The following ZNF638 variants were observed in gnomAD, a reference collection of about 807,000 sequenced individuals.
ZNF638 encodes the protein CTCL tumor antigen se33-1.
In ZNF638, 46 loss-of-function variants were observed where a neutral mutation model predicts 195.6. The observed-to-expected ratio is 0.24, with a 90% CI of 0.19 to 0.30. The LOEUF is 0.30. Ranked by LOEUF, ZNF638 falls within the 10% of genes least tolerant of loss-of-function variation. The pLI, the probability that ZNF638 is intolerant of heterozygous loss-of-function variation, is 1.00. For missense variants in ZNF638, 2,440 were observed against 2,325.3 expected, an observed-to-expected ratio of 1.05 and a Z score of -1.01; for synonymous variants, 845 against 772.0, an observed-to-expected ratio of 1.09 and a Z score of -1.57.
chr2:71,361,817 T>C (rs1301014928), intron 3 of ZNF638: 4 of 1,816 alleles, frequency 2.2e-3, no homozygotes, highest in Non-Finnish European at 6.3e-3. Flanking sequence ...ATATTTAGCT[T>C]TTTTTTTGCC....
chr2:71,400,474 T>G lies in ZNF638; in HGVS notation c.2657-4T>G, dbSNP rs1156817357. 2 of 1,603,826 alleles carry G rather than the reference T, an allele frequency of 1.2e-6. No individual in the cohort carries two copies. Among genetic ancestry groups the G allele is most frequent in the African/African-American group, 2.7e-5 (2 of 74,244 alleles). ...CATTGTTTTTAATTTTATTTTGTAT[T>G]AAGATGCTGCTTTGGAGGCCACAGA... is the stretch of plus-strand genomic sequence containing the variant. On this transcript the variant is annotated splice_polypyrimidine_tract_variant and splice_region_variant and intron_variant, in intron 14 of 27. Transcript: ENST00000264447.
At position 71,426,464 on chromosome 2, in the gene ZNF638, C is replaced by T; in HGVS notation, c.4595C>T (p.Pro1532Leu). Residue 1532 changes from proline (P) to leucine (L), a missense_variant, in exon 24 of 28, where the codon CCA becomes CTA. This residue lies in a region of ZNF638 where 1,883 missense variants were observed against 1,739.1 expected (regional missense o/e 1.08). Coordinates refer to ENST00000264447, the MANE Select transcript of ZNF638 (RefSeq NM_014497.5). Reference sequence around the variant, plus strand: ...TGATTTTTAACTTTCCAACAGGAGCCATTATTTCCATTTAATTTGGATGAA... The same window carrying T: ...TGATTTTTAACTTTCCAACAGGAGCTATTATTTCCATTTAATTTGGATGAA... ...TGRSSKSKEE[P>L]LFPFNLDEFV... 1 of 1,562,336 alleles carries T rather than the reference C, an allele frequency of 6.4e-7. No individual in the cohort carries two copies. The highest frequency in any genetic ancestry group is 8.6e-7 in the Non-Finnish European group (1 of 1,160,038).
chr2:71,364,161 A>G lies in ZNF638; in HGVS notation c.1626A>G (p.Pro542=), dbSNP rs1160000220. 4 of 1,614,224 alleles carry G rather than the reference A, an allele frequency of 2.5e-6. No homozygotes were observed. Among genetic ancestry groups the G allele is most frequent in the Non-Finnish European group, 3.4e-6 (4 of 1,180,044 alleles). ...RYRSRSRSRS[P]YRIRNPFRGS... ...GATCCAGATCCAGATCCCGTTCACC[A>G]TATCGAATTAGAAATCCATTTAGAG... Residue 542 remains proline (P), a synonymous_variant, in exon 5 of 28, where the codon CCA becomes CCG. Transcript: ENST00000264447.
intron 21 of ZNF638, 85 bp downstream of exon 21, chr2:71,418,724 TGTA>T (rs71402979): frequency 0.17 from 163,153 of 963,544 alleles, 16,499 homozygotes; most frequent in African/African-American, 0.38. Context: ...ATGGCTCACA[TGTA>T]GTGAAAAGTT....
chr2:71,406,288 T>C, intron 19 of ZNF638, 26 bp downstream of exon 19: 1 of 1,597,430 alleles, frequency 6.3e-7, no homozygotes, highest in Non-Finnish European at 8.6e-7. Context: ...ATAATTTAGC[T>C]ATTCATTCTG....
chr2:71,425,703 C>T (rs1038054551), intron 23 of ZNF638, among the ~76,000 whole-genome samples: 2 of 152,102 alleles, frequency 1.3e-5, no homozygotes, highest in African/African-American at 4.8e-5. Context: ...AAATCTCACT[C>T]CTGTCCCCCA....
Position 71,423,167 on chromosome 2 carries a change from A to G in ZNF638, c.3653A>G (p.Asn1218Ser), listed in dbSNP as rs2152602521. ...GAGAAGAAAGGGGCAGAAATTATTA[A>G]CCCTAAAACAGCATTGTTACCATCT... is the stretch of plus-strand genomic sequence containing the variant. ...DLEKKGAEII[N>S]PKTALLPSDS... is the part of the protein sequence containing the mutation. Residue 1218 changes from asparagine (N) to serine (S), a missense_variant, in exon 22 of 28, where the codon AAC (asparagine) becomes AGC (serine). Asn to Ser is a conservative substitution (Grantham distance 46). Around this residue, in one of 5 missense-constraint regions of ZNF638, gnomAD observed 1,883 missense variants for 1,739.1 expected, o/e 1.08. Coordinates refer to ENST00000264447, the MANE Select transcript of ZNF638 (RefSeq NM_014497.5). 2 of 1,614,112 alleles carry G rather than the reference A, an allele frequency of 1.2e-6. No individual in the cohort carries two copies. Among genetic ancestry groups the G allele is most frequent in the Middle Eastern group, 3.3e-4 (2 of 6,062 alleles).
In ZNF638 at chr2:71,420,583, G is replaced by T. The variant is rs189406220; in HGVS notation, c.3299+1944G>T. 2.6e-5 allele frequency among the ~76,000 whole-genome samples: 4 copies of T among 152,296 alleles called. No individual in the cohort carries two copies. The East Asian group carries it at 7.7e-4, about 29-fold the overall frequency. On this transcript the variant is annotated intron_variant, in intron 21 of 27. Coordinates refer to ENST00000264447, the MANE Select transcript of ZNF638 (RefSeq NM_014497.5). ...TTATTGTATGCTTTTTCTGAAGGCT[G>T]TGAAATTCTGGTATTACTGGGATAT...
At chr2:71,388,652 C>G (rs1216879769) in intron 10 of ZNF638, 1 of 887,924 alleles carries the variant, frequency 1.1e-6, no homozygotes, top group South Asian at 1.3e-5. Flanking sequence ...GCAGCTGGTG[C>G]CCCTCGTGAG....
At chr2:71,410,987 C>CT in intron 20 of ZNF638, among the ~76,000 whole-genome samples, 1 of 94,398 alleles carries the variant, frequency 1.1e-5, no homozygotes, top group African/African-American at 3.5e-5. Flanking sequence ...ACCACCTCCC[C>CT]CCCCCTTTTT....
chr2:71,351,424 A>G (rs1264985806), intron 2 of ZNF638, among the ~76,000 whole-genome samples: 1 of 152,196 alleles, frequency 6.6e-6, no homozygotes, highest in African/African-American at 2.4e-5. Context: ...ATCAGAAGGG[A>G]TAGCAAAGTC....
intron 10 of ZNF638, among the ~76,000 whole-genome samples, chr2:71,389,125 C>T (rs1327310703): frequency 6.6e-6 from 1 of 152,174 alleles, no homozygotes; most frequent in African/African-American, 2.4e-5. Flanking sequence ...CCGCCGCCTC[C>T]TCTTCCCTCA....
intron 10 of ZNF638, among the ~76,000 whole-genome samples, chr2:71,390,151 C>T (rs1443202576): frequency 6.6e-6 from 1 of 152,158 alleles, no homozygotes; most frequent in Admixed American, 6.6e-5. Flanking sequence ...CAGTGCAAGT[C>T]CAAATTTGAT....
intron 8 of ZNF638, among the ~76,000 whole-genome samples, chr2:71,374,638 C>T (rs556307840): frequency 4.6e-5 from 7 of 152,290 alleles, no homozygotes; most frequent in East Asian, 3.9e-4. Flanking sequence ...AAACATAGTT[C>T]GTTGGCTGGT....
At chr2:71,375,954 C>G (rs1051219079) in intron 8 of ZNF638, 1 of 152,142 alleles carries the variant, frequency 6.6e-6, no homozygotes, top group Non-Finnish European at 1.5e-5. Flanking sequence ...CCTAGCTGAT[C>G]ATTAAATTTT....
chr2:71,335,860 C>G (rs1221979560), intron 1 of ZNF638, among the ~76,000 whole-genome samples: 1 of 152,132 alleles, frequency 6.6e-6, no homozygotes, highest in South Asian at 2.1e-4. Flanking sequence ...CCTCCCACCC[C>G]CATGCATATG....
chr2:71,399,863 G>C (rs1475278025), intron 13 of ZNF638, among the ~76,000 whole-genome samples: 1 of 152,100 alleles, frequency 6.6e-6, no homozygotes, highest in Non-Finnish European at 1.5e-5. Flanking sequence ...ATAGGCCCCA[G>C]TGTGTTGTTT....
At chr2:71,398,635 A>C in intron 11 of ZNF638, 66 bp from the exon 12 acceptor site, 1 of 1,213,718 alleles carries the variant, frequency 8.2e-7, no homozygotes, top group Non-Finnish European at 1.2e-6. Context: ...TTTCTCTGTG[A>C]GGTTCTTTGG....
chr2:71,343,487 C>T (rs960239387), intron 1 of ZNF638, among the ~76,000 whole-genome samples: 3 of 151,872 alleles, frequency 2.0e-5, no homozygotes, highest in African/African-American at 7.3e-5. Flanking sequence ...TCCTGCCTGC[C>T]AATAAGTAAA....
Sources: gnomAD v4.1 joint callset for allele counts (sites outside exome capture counted in the v4.1 genomes callset) on GRCh38, gnomAD v4.1.1 for gene constraint, gnomAD v4.1.1 regional missense constraint, MANE v1.5 for transcripts, NCBI Gene and HGNC (gene_info 2026-07-23, HGNC 2026-07-21) for gene names.